The following DPP10 variants were observed in gnomAD, a reference collection of about 807,000 sequenced individuals.
DPP10 encodes the protein inactive dipeptidyl peptidase 10.
DPP10 carries 33 observed loss-of-function variants against 120.9 expected under a neutral mutation model. The observed-to-expected ratio is 0.27, with a 90% CI of 0.21 to 0.37. The LOEUF (loss-of-function observed/expected upper bound fraction) is 0.37. Ranked by LOEUF, DPP10 falls within the 10% of genes least tolerant of loss-of-function variation. DPP10 has a pLI of 1.00. For missense variants in DPP10, 816 were observed against 942.8 expected, an observed-to-expected ratio of 0.87 and a Z score of 1.76; for synonymous variants, 337 against 326.1, an observed-to-expected ratio of 1.03 and a Z score of -0.36.
At chr2:115,626,774 C>G (rs2085401292) in intron 5 of DPP10, among the ~76,000 whole-genome samples, 1 of 152,148 alleles carries the variant, frequency 6.6e-6, no homozygotes, top group Non-Finnish European at 1.5e-5. Flanking sequence ...ACTTCAAGCA[C>G]ATTTTCATCC....
intron 1 of DPP10, among the ~76,000 whole-genome samples, chr2:114,779,997 G>A (rs779507245): frequency 2.0e-5 from 3 of 152,036 alleles, no homozygotes; most frequent in East Asian, 3.9e-4. Context: ...TAAGCCGGGT[G>A]TGGTGGTGGT....
intron 1 of DPP10, chr2:115,234,066 A>C: frequency 2.4e-6 from 1 of 417,264 alleles, no homozygotes; most frequent in Non-Finnish European, 4.7e-6. Flanking sequence ...AAGCAATAGA[A>C]TAATGATGAA....
chr2:115,335,238 A>G (rs746418676), intron 2 of DPP10, among the ~76,000 whole-genome samples: 2 of 152,036 alleles, frequency 1.3e-5, no homozygotes, highest in African/African-American at 2.4e-5. Flanking sequence ...GGTTCTTCTC[A>G]TGACATGTGG....
intron 1 of DPP10, among the ~76,000 whole-genome samples, chr2:114,756,145 T>C (rs761401467): frequency 2.1e-4 from 32 of 152,178 alleles, no homozygotes; most frequent in Non-Finnish European, 4.0e-4. Context: ...GGAGATGATA[T>C]GTAAAATGCT....
chr2:115,016,674 C>T (rs1360656925), intron 1 of DPP10, among the ~76,000 whole-genome samples: 1 of 151,852 alleles, frequency 6.6e-6, no homozygotes, highest in Non-Finnish European at 1.5e-5. Flanking sequence ...AAAAACAACC[C>T]ATCAACAAGT....
chr2:115,261,015 A>T (rs2059228026), intron 1 of DPP10, among the ~76,000 whole-genome samples: 1 of 152,054 alleles, frequency 6.6e-6, no homozygotes, highest in South Asian at 2.1e-4. Flanking sequence ...GAACAGTGGA[A>T]AATACTGCAT....
intron 13 of DPP10, among the ~76,000 whole-genome samples, chr2:115,769,401 T>A (rs1331810822): frequency 6.6e-6 from 1 of 152,108 alleles, no homozygotes; most frequent in African/African-American, 2.4e-5. Flanking sequence ...ATTGGACAGC[T>A]TAATGCTTTA....
At chr2:114,586,484 T>C (rs1396379544) in intron 1 of DPP10, among the ~76,000 whole-genome samples, 5 of 152,206 alleles carry the variant, frequency 3.3e-5, no homozygotes, top group Admixed American at 6.5e-5. Flanking sequence ...AATAAACTAG[T>C]ACCAGCACAT....
intron 1 of DPP10, among the ~76,000 whole-genome samples, chr2:114,645,570 G>A (rs1205251875): frequency 1.3e-5 from 2 of 152,156 alleles, no homozygotes; most frequent in African/African-American, 2.4e-5. Context: ...TTTTGAAGTT[G>A]TTTTGACACT....
intron 1 of DPP10, among the ~76,000 whole-genome samples, chr2:115,207,446 A>AAAAG (rs2056220806): frequency 7.2e-6 from 1 of 138,472 alleles, no homozygotes; most frequent in Non-Finnish European, 1.5e-5. Context: ...AAAAAAAAAA[A>AAAAG]GCTTTCTCCT....
intron 5 of DPP10, among the ~76,000 whole-genome samples, chr2:115,686,073 A>C (rs1415075159): frequency 1.3e-5 from 2 of 152,016 alleles, no homozygotes; most frequent in Non-Finnish European, 2.9e-5. Flanking sequence ...ACGAGGTGAC[A>C]CTGTGCCTTC....
intron 1 of DPP10, among the ~76,000 whole-genome samples, chr2:114,540,532 T>C (rs1686869377): frequency 6.6e-6 from 1 of 152,212 alleles, no homozygotes; most frequent in Non-Finnish European, 1.5e-5. Context: ...AGTCATTATA[T>C]TGAAATAATT....
chr2:114,548,981 G>A (rs2033304), intron 1 of DPP10, among the ~76,000 whole-genome samples: 151,175 of 152,358 alleles, frequency 0.99, 75,011 homozygotes, highest in East Asian at 1. Context: ...CTCTTAAGGC[G>A]GAATCACACG....
intron 1 of DPP10, among the ~76,000 whole-genome samples, chr2:114,744,987 C>T (rs780637403): frequency 1.2e-4 from 19 of 152,104 alleles, no homozygotes; most frequent in Admixed American, 2.0e-4. Flanking sequence ...GTCTCGAACT[C>T]CTGACCTTGT....
chr2:114,605,086 T>G (rs1019417583), intron 1 of DPP10, among the ~76,000 whole-genome samples: 4 of 152,074 alleles, frequency 2.6e-5, no homozygotes, highest in African/African-American at 9.7e-5. Context: ...AGGCCTTGCT[T>G]TTCTGACTTT....
chr2:115,033,829 G>A (rs761329473), intron 1 of DPP10, among the ~76,000 whole-genome samples: 61 of 148,374 alleles, frequency 4.1e-4, no homozygotes, highest in Non-Finnish European at 8.3e-4. Context: ...ACTTTCCAAA[G>A]TGCTGAGACT....
chr2:115,471,778 T>TTTCTTG (rs1553422777), intron 3 of DPP10, among the ~76,000 whole-genome samples: 5 of 149,618 alleles, frequency 3.3e-5, no homozygotes, highest in Admixed American at 2.7e-4. Flanking sequence ...TCTGTTTTTG[T>TTTCTTG]TTGTTGTTGT....
intron 13 of DPP10, among the ~76,000 whole-genome samples, chr2:115,773,544 G>T (rs1476998778): frequency 2.6e-5 from 4 of 151,996 alleles, no homozygotes; most frequent in Non-Finnish European, 5.9e-5. Flanking sequence ...TTGTCATACT[G>T]CCTTTATCAA....
At chr2:115,551,891 A>AT (rs1335279714) in intron 5 of DPP10, among the ~76,000 whole-genome samples, 1 of 152,174 alleles carries the variant, frequency 6.6e-6, no homozygotes, top group Non-Finnish European at 1.5e-5. Context: ...AAAGCTAGTT[A>AT]TTAATTTCAA....
Sources: allele counts gnomAD v4.1 joint callset (sites outside exome capture counted in the v4.1 genomes callset), GRCh38; gene constraint gnomAD v4.1.1; transcripts MANE v1.5; gene names NCBI Gene and HGNC (gene_info 2026-07-23, HGNC 2026-07-21).